CYSLTR1: variants seen among roughly 807,000 people sequenced by gnomAD.
CYSLTR1 encodes the protein cysteinyl leukotriene receptor 1.
A neutral mutation model predicts 2.1 loss-of-function variants in CYSLTR1; 1 was observed. That is an observed-to-expected ratio of 0.48 (90% confidence interval 0.17 to 2.28). CYSLTR1 has a LOEUF of 2.28. CYSLTR1 is among the 30% of genes most tolerant of loss of function. The pLI, the probability that CYSLTR1 is intolerant of heterozygous loss-of-function variation, is 0.26. For missense variants in CYSLTR1, 299 were observed against 250.1 expected (o/e 1.20, Z -1.32); for synonymous variants, 110 against 89.6 (o/e 1.23, Z -1.28).
chrX:78,283,621 A>G (rs1022368971), intron 1 of CYSLTR1, 81 bp from the exon 2 acceptor site: 1 of 112,031 alleles, frequency 8.9e-6, no homozygotes, highest in African/African-American at 3.2e-5. Context: ...AGCCTTATGT[A>G]TAGATCCAGA....
At chrX:78,311,789 C>T (rs1923226491) in intron 1 of CYSLTR1, among the ~76,000 whole-genome samples, 1 of 111,506 alleles carries the variant, frequency 9.0e-6, no homozygotes, top group Non-Finnish European at 1.9e-5. Context: ...GATTAAAGAG[C>T]TCTACAAAGA....
intron 2 of CYSLTR1, among the ~76,000 whole-genome samples, chrX:78,275,758 G>T: frequency 9.0e-6 from 1 of 111,360 alleles, no homozygotes; most frequent in East Asian, 2.8e-4. Flanking sequence ...AAAATGCTTG[G>T]TTCCCTCGAG....
intron 1 of CYSLTR1, among the ~76,000 whole-genome samples, chrX:78,318,243 G>T (rs974003347): frequency 8.9e-6 from 1 of 112,103 alleles, no homozygotes; most frequent in African/African-American, 3.2e-5. Flanking sequence ...TAGGGACATG[G>T]ATGGAACTGG....
intron 1 of CYSLTR1, among the ~76,000 whole-genome samples, chrX:78,305,280 T>A (rs1039383474): frequency 8.9e-6 from 1 of 112,191 alleles, no homozygotes; most frequent in African/African-American, 3.2e-5. Flanking sequence ...GCCTTTGACT[T>A]TAGTAAAACA....
chrX:78,272,871 A>G lies in CYSLTR1; in HGVS notation c.876T>C (p.Pro292=). ...TACCCCCAGAAAAGAAATATAGGAGAGGGTCAAAGCAACAATTGGATGCAG... is the reference window on the plus strand; with the variant it reads ...TACCCCCAGAAAAGAAATATAGGAGGGGGTCAAAGCAACAATTGGATGCAG... ...SLAASNCCFD[P]LLYFFSGGNF... is the part of the protein sequence containing the mutation. The change falls in exon 3 of 3, where the codon CCT becomes CCC. Residue 292 remains proline (P), a synonymous_variant. Transcript: ENST00000373304. 1 of 1,211,485 alleles carries G rather than the reference A, an allele frequency of 8.3e-7. No individual in the cohort carries two copies. The highest frequency in any genetic ancestry group is 1.1e-6 in the Non-Finnish European group (1 of 895,458).
chrX:78,316,866 C>A (rs1423058601), intron 1 of CYSLTR1, among the ~76,000 whole-genome samples: 1 of 111,457 alleles, frequency 9.0e-6, no homozygotes, highest in Non-Finnish European at 1.9e-5. Context: ...AATCTAAGAC[C>A]CAAAACCATA....
chrX:78,303,047 C>G (rs995701153), intron 1 of CYSLTR1, among the ~76,000 whole-genome samples: 3 of 111,448 alleles, frequency 2.7e-5, no homozygotes, highest in African/African-American at 9.8e-5. Context: ...TACTTCAAGC[C>G]CCAGAACACT....
intron 1 of CYSLTR1, among the ~76,000 whole-genome samples, chrX:78,297,763 C>T (rs748559037): frequency 9.0e-6 from 1 of 111,044 alleles, no homozygotes; most frequent in East Asian, 2.8e-4. Flanking sequence ...TTATTTGGAT[C>T]TCTCTCTTTT....
At chrX:78,320,989 A>C (rs915343809) in intron 1 of CYSLTR1, 16 of 111,479 alleles carry the variant, frequency 1.4e-4, no homozygotes, top group African/African-American at 4.2e-4. Flanking sequence ...ATAGCTCATT[A>C]GTAGCAGTGA....
intron 1 of CYSLTR1, among the ~76,000 whole-genome samples, chrX:78,295,746 AT>A (rs1354537888): frequency 9.0e-6 from 1 of 111,254 alleles, no homozygotes; most frequent in Admixed American, 9.5e-5. Context: ...AAATTATTAG[AT>A]TTCTTTTCCT....
chrX:78,275,725 T>TATA (rs748147356), intron 2 of CYSLTR1, among the ~76,000 whole-genome samples: 3 of 111,248 alleles, frequency 2.7e-5, no homozygotes, highest in Non-Finnish European at 5.7e-5. Flanking sequence ...GAACTTAAAG[T>TATA]ATAATAATAA....
intron 1 of CYSLTR1, among the ~76,000 whole-genome samples, chrX:78,316,536 TG>T (rs776556915): frequency 6.2e-4 from 69 of 111,865 alleles, no homozygotes; most frequent in Admixed American, 2.0e-3. Flanking sequence ...GCACCATTAG[TG>T]GAGCACTATA....
In CYSLTR1 at chrX:78,273,220, G is replaced by A. The variant is rs140302261; in HGVS notation, c.527C>T (p.Pro176Leu). The A allele has an allele frequency of 1.5e-4, 177 of 1,208,494 alleles. No individual in the cohort carries two copies. The highest frequency in any genetic ancestry group is 1.9e-4 in the Non-Finnish European group (166 of 894,775). The stretch of plus-strand genomic sequence containing the variant: ...ATTTTTAGTTTGATTGTCTTGTGGG[G>A]GCTCAAAGCACTTGGTATTATTTTT... ...DEKNNTKCFEPPQDNQTKNHV... is the reference protein window; with the variant it reads ...DEKNNTKCFELPQDNQTKNHV... Residue 176 changes from proline (P) to leucine (L), a missense_variant, in exon 3 of 3, where the codon CCC becomes CTC. Transcript: ENST00000373304.
chrX:78,286,746 A>G (rs1447018032), intron 1 of CYSLTR1, among the ~76,000 whole-genome samples: 2 of 106,080 alleles, frequency 1.9e-5, no homozygotes, highest in Non-Finnish European at 3.9e-5. Flanking sequence ...CGGTGTTTAA[A>G]CTTTTAAAAA....
intron 1 of CYSLTR1, among the ~76,000 whole-genome samples, chrX:78,295,429 A>G (rs1457166138): frequency 2.8e-5 from 3 of 106,688 alleles, no homozygotes; most frequent in African/African-American, 1.0e-4. Flanking sequence ...GTGCCAGATC[A>G]TATGGGAATT....
At chrX:78,274,638 C>T (rs1210548930) in intron 2 of CYSLTR1, among the ~76,000 whole-genome samples, 1 of 110,445 alleles carries the variant, frequency 9.1e-6, no homozygotes, top group East Asian at 2.8e-4. Context: ...AGAAGAAAAC[C>T]TAGGCATTAC....
chrX:78,322,790 C>T (rs1439096193), intron 1 of CYSLTR1, among the ~76,000 whole-genome samples: 3 of 111,767 alleles, frequency 2.7e-5, no homozygotes, highest in Admixed American at 1.9e-4. Flanking sequence ...ACTGATACTT[C>T]GTTGCTGACA....
chrX:78,273,089 A>AT lies in CYSLTR1; in HGVS notation c.657dup (p.Ser220IlefsTer10), dbSNP rs35745545. The AT allele has an allele frequency of 2.1e-5, 25 of 1,207,250 alleles. No individual in the cohort carries two copies. The highest frequency in any genetic ancestry group is 2.7e-5 in the Non-Finnish European group (24 of 893,765). On this transcript the variant is annotated frameshift_variant, in exon 3 of 3. Coordinates refer to ENST00000373304, the MANE Select transcript of CYSLTR1 (RefSeq NM_006639.4). LOFTEE classifies it high-confidence loss of function. ...TGACTTGACAGATTTTTTTTCATTG[A>AT]TTTTTTTAGTAAGGTCAAAATGATC...
intron 2 of CYSLTR1, among the ~76,000 whole-genome samples, chrX:78,278,717 G>A (rs1165562149): frequency 2.7e-5 from 3 of 112,265 alleles, no homozygotes; most frequent in Non-Finnish European, 5.6e-5. Context: ...ACAGTACAAA[G>A]CTAGAGTAAC....
Sources: allele counts gnomAD v4.1 joint callset (sites outside exome capture counted in the v4.1 genomes callset), GRCh38; gene constraint gnomAD v4.1.1; transcripts MANE v1.5; gene names NCBI Gene and HGNC (gene_info 2026-07-23, HGNC 2026-07-21).